Variants in SERPING1 observed in about 807,000 individuals in gnomAD.
SERPING1 encodes serpin family G member 1.
In SERPING1, 5 loss-of-function variants were observed where a neutral mutation model predicts 34.1. The ratio of observed to expected loss-of-function variants is 0.15; its 90% confidence interval spans 0.08 to 0.31. The LOEUF (loss-of-function observed/expected upper bound fraction) is 0.31. Ranked by LOEUF, SERPING1 falls within the 10% of genes least tolerant of loss-of-function variation. The pLI, the probability that SERPING1 is intolerant of heterozygous loss-of-function variation, is 1.00. For synonymous variants in SERPING1, 225 were observed against 242.4 expected (o/e 0.93, Z 0.67); for missense variants, 505 against 609.5 (o/e 0.83, Z 1.81).
chr11:57,610,657 C>T (rs1945467476), intron 6 of SERPING1, among the ~76,000 whole-genome samples: 1 of 152,182 alleles, frequency 6.6e-6, no homozygotes, highest in Admixed American at 6.5e-5. Flanking sequence ...ACTAGGGTTT[C>T]TCAGCCTTGG....
At chr11:57,605,810 C>G (rs1414950758) in intron 4 of SERPING1, 200 bp from the exon 5 acceptor site, 2 of 646,150 alleles carry the variant, frequency 3.1e-6, no homozygotes, top group East Asian at 5.5e-5. Flanking sequence ...GGCTACTTCT[C>G]TTGTTCTTGG....
chr11:57,614,731 AG>A lies in SERPING1; in HGVS notation c.*153del. On this transcript the variant is annotated 3_prime_UTR_variant, in exon 8 of 8. Coordinates refer to ENST00000278407, the MANE Select transcript of SERPING1 (RefSeq NM_000062.3). ...AAAGGGCTCCCTGAGGGTCTGGGCA[AG>A]GGACCTGCTTCTATTAGCCCTTCTC... 1 of 880,838 alleles carries A rather than the reference AG, an allele frequency of 1.1e-6. No homozygotes were observed. The highest frequency in any genetic ancestry group is 1.7e-5 in the South Asian group (1 of 59,442). The allele number at this position is 880,838 out of a possible 1,614,324, so 54.6% of individuals were successfully genotyped here. A position where few individuals can be genotyped will look rare whatever the true frequency, so the allele number is the denominator to read the frequency against.
At chr11:57,602,226 G>T in intron 4 of SERPING1, 57 bp downstream of exon 4, 5 of 1,597,748 alleles carry the variant, frequency 3.1e-6, no homozygotes, top group South Asian at 1.1e-5. Flanking sequence ...GGACTCTGAA[G>T]GGGGACCCAG....
chr11:57,605,882 C>T (rs1379383428), intron 4 of SERPING1, 128 bp from the exon 5 acceptor site: 19 of 912,816 alleles, frequency 2.1e-5, no homozygotes, highest in South Asian at 6.6e-5. Context: ...GGCTGGACCG[C>T]GCTCCACCAT....
chr11:57,613,033 C>T (rs2135326389), intron 7 of SERPING1, among the ~76,000 whole-genome samples: 1 of 152,330 alleles, frequency 6.6e-6, no homozygotes, highest in East Asian at 1.9e-4. Context: ...AGGTGTGAGC[C>T]ACTGTGCCCA....
chr11:57,600,209 A>G lies in SERPING1; in HGVS notation c.382A>G (p.Thr128Ala), dbSNP rs746401805. The change falls in exon 3 of 8, where the codon ACT becomes GCT. Residue 128 changes from threonine to alanine, a missense_variant. Coordinates refer to ENST00000278407, the MANE Select transcript of SERPING1 (RefSeq NM_000062.3). The stretch of plus-strand genomic sequence containing the variant: ...TGGGTCCTTCTGCCCAGGACCTGTT[A>G]CTCTCTGCTCTGACTTGGAGAGTCA... ...TTGSFCPGPV[T>A]LCSDLESHST... 1 of 1,610,810 alleles carries G rather than the reference A, an allele frequency of 6.2e-7. No homozygotes were observed. The highest frequency in any genetic ancestry group is 2.2e-5 in the East Asian group (1 of 44,714).
Position 57,600,213 on chromosome 11 carries a change from T to C in SERPING1, c.386T>C (p.Leu129Pro), listed in dbSNP as rs775707002. 1 of 1,612,700 alleles carries C rather than the reference T, an allele frequency of 6.2e-7. No homozygotes were observed. The highest frequency in any genetic ancestry group is 8.5e-7 in the Non-Finnish European group (1 of 1,179,612). ...TCCTTCTGCCCAGGACCTGTTACTC[T>C]CTGCTCTGACTTGGAGAGTCATTCA... ...TGSFCPGPVT[L>P]CSDLESHSTE... is the part of the protein sequence containing the mutation. The change falls in exon 3 of 8, where the codon CTC becomes CCC. Residue 129 changes from leucine (L) to proline (P), a missense_variant. Leu to Pro is a moderately conservative substitution (Grantham distance 98). Transcript: ENST00000278407.
chr11:57,612,992 C>T (rs1029097648), intron 7 of SERPING1, among the ~76,000 whole-genome samples: 1 of 152,046 alleles, frequency 6.6e-6, no homozygotes, highest in Non-Finnish European at 1.5e-5. Context: ...AGTGATCCAC[C>T]CACCTCGGCT....
intron 6 of SERPING1, among the ~76,000 whole-genome samples, chr11:57,610,493 C>T (rs1945465820): frequency 6.6e-6 from 1 of 152,216 alleles, no homozygotes; most frequent in Non-Finnish European, 1.5e-5. Context: ...AATTGGCTTA[C>T]TATCTACTTC....
rs1469506273 is a variant in SERPING1 at position 57,614,782 on chromosome 11, C to A, written c.*201C>A. 3 of 590,118 alleles carry A rather than the reference C, an allele frequency of 5.1e-6. No individual in the cohort carries two copies. The highest frequency in any genetic ancestry group is 8.9e-6 in the Non-Finnish European group (3 of 337,858). 36.6% of individuals were successfully genotyped at this position (590,118 alleles called of 1,614,324 possible). ...CCATGGCCCTGCCATGCTCTCCAAACCACTTTTTGCAGCTTTCTCTAGTTC... is the reference window on the plus strand; with the variant it reads ...CCATGGCCCTGCCATGCTCTCCAAAACACTTTTTGCAGCTTTCTCTAGTTC... On this transcript the variant is annotated 3_prime_UTR_variant, in exon 8 of 8. Coordinates refer to ENST00000278407, the MANE Select transcript of SERPING1 (RefSeq NM_000062.3).
chr11:57,599,959 G>T lies in SERPING1; in HGVS notation c.132G>T (p.Lys44Asn). 6.2e-7 allele frequency: 1 copy of T among 1,614,194 alleles called. No individual in the cohort carries two copies. Among genetic ancestry groups the T allele is most frequent in the South Asian group, 1.1e-5 (1 of 91,080 alleles). The change falls in exon 3 of 8, where the codon AAG (lysine) becomes AAT (asparagine). Residue 44 changes from lysine (K) to asparagine (N), a missense_variant. Lys to Asn is a moderately conservative substitution (Grantham distance 94). Coordinates refer to ENST00000278407, the MANE Select transcript of SERPING1 (RefSeq NM_000062.3). Reference protein sequence around the residue: ...PESLQDRGEGKVATTVISKML... With the variant: ...PESLQDRGEGNVATTVISKML... ...GTTTGCAAGACAGAGGCGAAGGGAA[G>T]GTCGCAACAACAGTTATCTCCAAGA... is the stretch of plus-strand genomic sequence containing the variant.
Position 57,602,185 on chromosome 11 carries a change from T to A in SERPING1, c.685+16T>A. 1 of 1,614,046 alleles carries A rather than the reference T, an allele frequency of 6.2e-7. No individual in the cohort carries two copies. The highest frequency in any genetic ancestry group is 1.1e-5 in the South Asian group (1 of 91,080). On this transcript the variant is annotated intron_variant, in intron 4 of 7. Coordinates refer to ENST00000278407, the MANE Select transcript of SERPING1 (RefSeq NM_000062.3). Reference sequence around the variant, plus strand: ...CACAGCCCAGGTGAGTGCCCAGGAATGGGCAGTGTCTGCAGAGGAGGGTCC... The same window carrying A: ...CACAGCCCAGGTGAGTGCCCAGGAAAGGGCAGTGTCTGCAGAGGAGGGTCC...
Position 57,600,121 on chromosome 11 carries a change from C to A in SERPING1, c.294C>A (p.Pro98=), listed in dbSNP as rs746492754. The change falls in exon 3 of 8, where the codon CCC becomes CCA. Residue 98 remains proline, a synonymous_variant. Transcript: ENST00000278407. The part of the protein sequence containing the change: ...TQPTTEPTTQ[P]TIQPTQPTTQ... ...CCACCACAGAGCCCACCACCCAACCCACCATCCAACCCACCCAACCAACTA... is the reference window on the plus strand; with the variant it reads ...CCACCACAGAGCCCACCACCCAACCAACCATCCAACCCACCCAACCAACTA... 1.2e-6 allele frequency: 2 copies of A among 1,613,358 alleles called. No homozygotes were observed. The highest frequency in any genetic ancestry group is 2.7e-5 in the African/African-American group (2 of 74,914).
chr11:57,614,601 G>T lies in SERPING1; in HGVS notation c.*20G>T, dbSNP rs932271270. 3.7e-6 allele frequency: 6 copies of T among 1,610,752 alleles called. No homozygotes were observed. Among genetic ancestry groups the T allele is most frequent in the African/African-American group, 1.3e-5 (1 of 74,910 alleles). ...GCCTGAGACCTGCAGGATCAGGTTA[G>T]GGCGAGCGCTACCTCTCCAGCCTCA... On this transcript the variant is annotated 3_prime_UTR_variant, in exon 8 of 8. Coordinates refer to ENST00000278407, the MANE Select transcript of SERPING1 (RefSeq NM_000062.3).
intron 2 of SERPING1, among the ~76,000 whole-genome samples, 172 bp downstream of exon 2, chr11:57,598,493 C>T (rs984422184): frequency 1.3e-5 from 2 of 152,144 alleles, no homozygotes; most frequent in African/African-American, 2.4e-5. Flanking sequence ...GTGGAAAGAG[C>T]TCAGGACTCA....
Position 57,600,100 on chromosome 11 carries a change from C to T in SERPING1, c.273C>T (p.Thr91=), listed in dbSNP as rs757100163. Residue 91 remains threonine (T), a synonymous_variant, in exon 3 of 8, where the codon ACC becomes ACT. Coordinates refer to ENST00000278407, the MANE Select transcript of SERPING1 (RefSeq NM_000062.3). ...NTTDEPTTQP[T]TEPTTQPTIQ... is the part of the protein sequence containing the mutation. ...CTGATGAACCCACCACACAACCCAC[C>T]ACAGAGCCCACCACCCAACCCACCA... 1.2e-6 allele frequency: 2 copies of T among 1,613,620 alleles called. No homozygotes were observed. The highest frequency in any genetic ancestry group is 8.5e-7 in the Non-Finnish European group (1 of 1,179,778).
intron 7 of SERPING1, 29 bp downstream of exon 7, chr11:57,611,965 C>T (rs749071741): frequency 6.4e-7 from 1 of 1,565,794 alleles, no homozygotes; most frequent in Non-Finnish European, 8.8e-7. Flanking sequence ...GGGTTACTCC[C>T]AGGCCATCAG....
At chr11:57,612,075 T>G in intron 7 of SERPING1, 139 bp downstream of exon 7, 1 of 759,608 alleles carries the variant, frequency 1.3e-6, no homozygotes, top group Non-Finnish European at 2.3e-6. Context: ...GTTAGAGGGG[T>G]AGGTGCTATT....
chr11:57,606,753 G>T, intron 6 of SERPING1: 1 of 719,912 alleles, frequency 1.4e-6, no homozygotes, highest in Non-Finnish European at 2.5e-6. Flanking sequence ...CTGGAAACAG[G>T]ATTCTCAAGT....
Sources: gnomAD v4.1 joint callset for allele counts (sites outside exome capture counted in the v4.1 genomes callset) on GRCh38, gnomAD v4.1.1 for gene constraint, MANE v1.5 for transcripts, NCBI Gene and HGNC (gene_info 2026-07-23, HGNC 2026-07-21) for gene names.